Variants in AZIN2 observed in about 807,000 individuals in gnomAD.
AZIN2 encodes ODC antizyme inhibitor-2.
AZIN2 carries 28 observed loss-of-function variants against 47.8 expected under a neutral mutation model. The ratio of observed to expected loss-of-function variants is 0.59; its 90% CI spans 0.43 to 0.80. The LOEUF is 0.80. Ranked by LOEUF, AZIN2 falls within the 30% of genes least tolerant of loss-of-function variation. The pLI, the probability that AZIN2 is intolerant of heterozygous loss-of-function variation, is 0.00. For missense variants in AZIN2, 535 were observed against 582.5 expected (o/e 0.92, Z 0.84); for synonymous variants, 221 against 239.4 (o/e 0.92, Z 0.71).
chr1:33,159,822 G>C, the AZIN2 span: 1 of 1,613,822 alleles, frequency 6.2e-7, no homozygotes, highest in Non-Finnish European at 8.5e-7. This position sits in a 1 kb window ranked among gnomAD's most constrained non-coding sequence, Gnocchi z 4.2. Context: ...GCTCGATGTC[G>C]GTCAGCGTGC....
chr1:33,125,733 C>CCCTTTCCTTTCCTTT (rs59708630), downstream of AZIN2, among the ~76,000 whole-genome samples: 15 of 152,014 alleles, frequency 9.9e-5, no homozygotes, highest in African/African-American at 3.4e-4. Flanking sequence ...TCATCACACG[C>CCCTTTCCTTTCCTTT]CCTTTCCTTT....
At chr1:33,094,993 C>CGTA (rs937213415) in intron 8 of AZIN2, among the ~76,000 whole-genome samples, 1 of 152,178 alleles carries the variant, frequency 6.6e-6, no homozygotes, top group Non-Finnish European at 1.5e-5. Flanking sequence ...TTACATAAGT[C>CGTA]GTAAGGCTCT....
At chr1:33,146,883 T>C in the AZIN2 span, 4 of 428,526 alleles carry the variant, frequency 9.3e-6, no homozygotes, top group African/African-American at 2.0e-5. Flanking sequence ...CCCCTGCCCC[T>C]GAGAAGATGG....
chr1:33,107,489 A>G (rs1471714465), intron 10 of AZIN2, among the ~76,000 whole-genome samples: 1 of 152,292 alleles, frequency 6.6e-6, no homozygotes, highest in African/African-American at 2.4e-5. Context: ...CTGAGGCACA[A>G]GAATCATTTG....
At chr1:33,129,416 C>T in the AZIN2 span, among the ~76,000 whole-genome samples, 1 of 152,192 alleles carries the variant, frequency 6.6e-6, no homozygotes, top group Non-Finnish European at 1.5e-5. The surrounding 1 kb of genome is among the most constrained non-coding windows in gnomAD (Gnocchi z 4.1). Context: ...AGGCGGTACA[C>T]AGACTGTCTT....
In AZIN2 at chr1:33,092,080, A is replaced by G. The variant is rs767694866; in HGVS notation, c.310A>G (p.Ile104Val). The G allele has an allele frequency of 6.2e-7, 1 of 1,614,136 alleles. No homozygotes were observed. The highest frequency in any genetic ancestry group is 8.5e-7 in the Non-Finnish European group (1 of 1,180,006). Residue 104 changes from isoleucine (I) to valine (V), a missense_variant, in exon 6 of 12, where the codon ATC becomes GTC. This residue lies in a region of AZIN2 where 409 missense variants were observed against 429.0 expected (regional missense o/e 0.95). Transcript: ENST00000294517. Reference protein sequence around the residue: ...AEMELVQHIGIPASKIICANP... With the variant: ...AEMELVQHIGVPASKIICANP... ...GATGGAGTTGGTCCAGCATATTGGAATCCCTGCCAGTAAGATCATCTGCGC... is the reference window on the plus strand; with the variant it reads ...GATGGAGTTGGTCCAGCATATTGGAGTCCCTGCCAGTAAGATCATCTGCGC...
At chr1:33,158,552 C>T in the AZIN2 span, among the ~76,000 whole-genome samples, 1 of 152,232 alleles carries the variant, frequency 6.6e-6, no homozygotes, top group African/African-American at 2.4e-5. Flanking sequence ...CCTCAGTCTT[C>T]TCATCTTTAA....
chr1:33,152,431 G>T, the AZIN2 span, among the ~76,000 whole-genome samples: 675 of 152,320 alleles, frequency 4.4e-3, 8 homozygotes, highest in African/African-American at 0.016. Context: ...GCGGCGCATG[G>T]TGGCACATGC....
In AZIN2 at chr1:33,096,739, G is replaced by A; in HGVS notation, c.786G>A (p.Leu262=). The A allele has an allele frequency of 6.2e-7, 1 of 1,614,228 alleles. No homozygotes were observed. Among genetic ancestry groups the A allele is most frequent in the Middle Eastern group, 1.6e-4 (1 of 6,062 alleles). ...CCGTGATCAACTCAGCCTTGGACCTGTACTTCCCAGAGGGCTGTGGCGTGG... is the reference window on the plus strand; with the variant it reads ...CCGTGATCAACTCAGCCTTGGACCTATACTTCCCAGAGGGCTGTGGCGTGG... ...IASVINSALD[L]YFPEGCGVDI... The change falls in exon 9 of 12, where the codon CTG becomes CTA. Residue 262 remains leucine, a synonymous_variant. Coordinates refer to ENST00000294517, the MANE Select transcript of AZIN2 (RefSeq NM_052998.4).
chr1:33,163,712 G>C, the AZIN2 span: 1 of 152,386 alleles, frequency 6.6e-6, no homozygotes, highest in Non-Finnish European at 1.5e-5. Context: ...AAGGAAAACA[G>C]AGGGCCTGAG....
chr1:33,092,064 G>T lies in AZIN2; in HGVS notation c.294G>T (p.Leu98Phe). Residue 98 changes from leucine (L) to phenylalanine (F), a missense_variant, in exon 6 of 12, where the codon TTG (leucine) becomes TTT (phenylalanine). By Grantham distance (22) the Leu-to-Phe change is conservative. This residue lies in a region of AZIN2 where 409 missense variants were observed against 429.0 expected (regional missense o/e 0.95). Coordinates refer to ENST00000294517, the MANE Select transcript of AZIN2 (RefSeq NM_052998.4). Reference protein sequence around the residue: ...FSCANKAEMELVQHIGIPASK... With the variant: ...FSCANKAEMEFVQHIGIPASK... ...GGGCCCCATAGGCAGAGATGGAGTT[G>T]GTCCAGCATATTGGAATCCCTGCCA... is the stretch of plus-strand genomic sequence containing the variant. 6.2e-7 allele frequency: 1 copy of T among 1,613,852 alleles called. No homozygotes were observed. The highest frequency in any genetic ancestry group is 8.5e-7 in the Non-Finnish European group (1 of 1,179,850).
chr1:33,147,650 A>G, the AZIN2 span: 1 of 1,613,946 alleles, frequency 6.2e-7, no homozygotes, highest in Non-Finnish European at 8.5e-7. The surrounding 1 kb of genome is among the most constrained non-coding windows in gnomAD (Gnocchi z 8.1). Flanking sequence ...AAGTTGCCGT[A>G]AGCCACAATG....
At chr1:33,147,666 G>A in the AZIN2 span, 6 of 1,613,794 alleles carry the variant, frequency 3.7e-6, no homozygotes, top group South Asian at 5.5e-5. This position sits in a 1 kb window ranked among gnomAD's most constrained non-coding sequence, Gnocchi z 8.1. Context: ...CAATGGTGCA[G>A]TCGTCCGACA....
At chr1:33,102,008 T>C in intron 10 of AZIN2, 2 of 666,016 alleles carry the variant, frequency 3.0e-6, no homozygotes, top group Non-Finnish European at 5.6e-6. Context: ...TGTTTCCCTC[T>C]CTCTGATGAG....
intron 11 of AZIN2, 190 bp from the exon 12 acceptor site, chr1:33,119,854 C>T (rs1380564557): frequency 1.6e-6 from 1 of 644,622 alleles, no homozygotes; most frequent in Non-Finnish European, 2.6e-6. Flanking sequence ...ATTTCTTTCC[C>T]TTGTTGAGGG....
chr1:33,139,517 G>A, the AZIN2 span, among the ~76,000 whole-genome samples: 2 of 152,278 alleles, frequency 1.3e-5, no homozygotes, highest in Admixed American at 1.3e-4. Flanking sequence ...AGTGGGACAT[G>A]AAGGATGAGT....
chr1:33,140,414 C>T, the AZIN2 span, among the ~76,000 whole-genome samples: 4 of 152,198 alleles, frequency 2.6e-5, no homozygotes, highest in African/African-American at 7.2e-5. The surrounding 1 kb of genome is among the most constrained non-coding windows in gnomAD (Gnocchi z 4.0). Flanking sequence ...CCCAGGACCT[C>T]GCTTCTGATT....
chr1:33,126,497 C>T (rs563241287), downstream of AZIN2, among the ~76,000 whole-genome samples: 4 of 152,254 alleles, frequency 2.6e-5, no homozygotes, highest in South Asian at 8.3e-4. Context: ...CACTTAGTGT[C>T]TTTTGAATAA....
chr1:33,148,719 CT>C, the AZIN2 span, among the ~76,000 whole-genome samples: 1 of 152,120 alleles, frequency 6.6e-6, no homozygotes, highest in Non-Finnish European at 1.5e-5. Context: ...AAAGGTTACA[CT>C]TGAAATTATA....
Sources: gnomAD v4.1 joint callset for allele counts (sites outside exome capture counted in the v4.1 genomes callset) on GRCh38, gnomAD v4.1.1 for gene constraint, gnomAD v4.1.1 regional missense constraint, Gnocchi (gnomAD v3.1) non-coding constraint, MANE v1.5 for transcripts, NCBI Gene and HGNC (gene_info 2026-07-23, HGNC 2026-07-21) for gene names.